The following ZNF385D variants were observed in gnomAD, a reference collection of about 807,000 sequenced individuals.
ZNF385D encodes zinc finger protein 385D, also known as zinc finger protein 659.
ZNF385D carries 15 observed loss-of-function variants against 35.8 expected under a neutral mutation model. The observed-to-expected ratio is 0.42, with a 90% CI of 0.28 to 0.64. The LOEUF (loss-of-function observed/expected upper bound fraction) is 0.64, where lower values mean the gene tolerates loss of function less well. Among genes scored for constraint, ZNF385D ranks in the 30% least tolerant of loss-of-function variants. The pLI is 0.23. For synonymous variants in ZNF385D, 212 were observed against 186.8 expected (o/e 1.13, Z -1.10); for missense variants, 474 against 494.6 (o/e 0.96, Z 0.39).
chr3:22,069,605 G>A (rs1700133890), intron 3 of ZNF385D, among the ~76,000 whole-genome samples: 1 of 152,114 alleles, frequency 6.6e-6, no homozygotes, highest in Non-Finnish European at 1.5e-5. Flanking sequence ...GTATCTAGTG[G>A]AATTTTTTGG....
intron 3 of ZNF385D, among the ~76,000 whole-genome samples, chr3:22,117,396 T>G (rs1273560902): frequency 6.6e-6 from 1 of 152,016 alleles, no homozygotes; most frequent in East Asian, 1.9e-4. Flanking sequence ...GTGAGCTAAC[T>G]AAATTATGGG....
At chr3:21,789,432 T>C (rs1241110658) in intron 3 of ZNF385D, among the ~76,000 whole-genome samples, 2 of 152,216 alleles carry the variant, frequency 1.3e-5, no homozygotes, top group Non-Finnish European at 2.9e-5. Flanking sequence ...GTTTTGTTGT[T>C]GTTGCTCTAA....
At chr3:21,623,023 ATAGT>A (rs2065047656) in intron 2 of ZNF385D, among the ~76,000 whole-genome samples, 1 of 152,228 alleles carries the variant, frequency 6.6e-6, no homozygotes, top group African/African-American at 2.4e-5. Context: ...AAGTATTTAA[ATAGT>A]TAGAGGCAGT....
At chr3:22,106,702 C>T (rs930750198) in intron 3 of ZNF385D, among the ~76,000 whole-genome samples, 2 of 152,282 alleles carry the variant, frequency 1.3e-5, no homozygotes, top group African/African-American at 4.8e-5. Context: ...GGTTGTAACC[C>T]TTGGAGTTGA....
At chr3:21,812,908 C>T (rs938262668) in intron 3 of ZNF385D, among the ~76,000 whole-genome samples, 4 of 152,202 alleles carry the variant, frequency 2.6e-5, no homozygotes, top group African/African-American at 4.8e-5. Context: ...AAGTGGGTCC[C>T]TGACCCCTGA....
chr3:22,229,861 G>A (rs766709106), intron 2 of ZNF385D, among the ~76,000 whole-genome samples: 2 of 152,046 alleles, frequency 1.3e-5, no homozygotes, highest in Non-Finnish European at 2.9e-5. Flanking sequence ...GTCACCATTG[G>A]TTTAGCCCCT....
chr3:21,786,166 C>T (rs955635934), intron 3 of ZNF385D, among the ~76,000 whole-genome samples: 3 of 152,160 alleles, frequency 2.0e-5, no homozygotes, highest in African/African-American at 4.8e-5. Flanking sequence ...GACTCAAACT[C>T]AGCTTTCTTT....
At chr3:21,974,404 A>G (rs963181384) in intron 3 of ZNF385D, among the ~76,000 whole-genome samples, 1 of 152,104 alleles carries the variant, frequency 6.6e-6, no homozygotes, top group East Asian at 1.9e-4. Context: ...CCCACCTCTC[A>G]CCAAATACAA....
intron 3 of ZNF385D, among the ~76,000 whole-genome samples, chr3:21,885,740 C>G (rs2646912): frequency 0.1 from 10,386 of 101,246 alleles, 490 homozygotes; most frequent in East Asian, 0.25. Flanking sequence ...GTGTCTGTGT[C>G]TGTGTGTGTG....
At chr3:22,134,836 C>G (rs1462434106) in intron 3 of ZNF385D, among the ~76,000 whole-genome samples, 2 of 152,090 alleles carry the variant, frequency 1.3e-5, no homozygotes, top group African/African-American at 4.8e-5. Flanking sequence ...CTAACTCATA[C>G]TTTTATAAGG....
intron 3 of ZNF385D, among the ~76,000 whole-genome samples, chr3:21,917,475 G>A (rs1385975470): frequency 6.6e-6 from 1 of 152,084 alleles, no homozygotes; most frequent in Non-Finnish European, 1.5e-5. Context: ...AGAGAATGGT[G>A]GTGCTTCTGA....
intron 2 of ZNF385D, among the ~76,000 whole-genome samples, chr3:21,628,252 T>C (rs2125828917): frequency 6.6e-6 from 1 of 152,232 alleles, no homozygotes; most frequent in East Asian, 1.9e-4. Context: ...GGCATTTCAT[T>C]GTCAGATGGG....
intron 5 of ZNF385D, among the ~76,000 whole-genome samples, chr3:21,432,736 A>G (rs1344766593): frequency 3.3e-5 from 5 of 151,942 alleles, no homozygotes; most frequent in Non-Finnish European, 7.4e-5. Flanking sequence ...AAAAATTCTT[A>G]GACTGTTGTA....
At chr3:21,476,333 G>A (rs1704245679) in intron 4 of ZNF385D, among the ~76,000 whole-genome samples, 1 of 151,996 alleles carries the variant, frequency 6.6e-6, no homozygotes, top group Admixed American at 6.6e-5. Context: ...TCATAAAGGG[G>A]ATAATTCTAA....
chr3:21,929,026 A>G (rs1221546404), intron 3 of ZNF385D, among the ~76,000 whole-genome samples: 1 of 152,192 alleles, frequency 6.6e-6, no homozygotes, highest in Non-Finnish European at 1.5e-5. Context: ...TATCAGTAGA[A>G]AAGAAAGCTA....
At chr3:22,131,867 G>C (rs953289683) in intron 3 of ZNF385D, among the ~76,000 whole-genome samples, 3 of 152,098 alleles carry the variant, frequency 2.0e-5, no homozygotes, top group African/African-American at 7.2e-5. Context: ...TATAAGTCAG[G>C]GAAACATAAT....
chr3:21,768,987 A>T (rs1334068505), intron 3 of ZNF385D, among the ~76,000 whole-genome samples: 2 of 152,054 alleles, frequency 1.3e-5, no homozygotes, highest in Non-Finnish European at 2.9e-5. Context: ...ACAAAAACAA[A>T]AACAAAAACC....
chr3:21,450,823 A>C (rs1168006850), intron 4 of ZNF385D, among the ~76,000 whole-genome samples: 1 of 152,192 alleles, frequency 6.6e-6, no homozygotes, highest in Admixed American at 6.6e-5. Context: ...CTTTTCTTTA[A>C]AACTTCAGAA....
chr3:22,304,016 A>G (rs986286877), intron 2 of ZNF385D, among the ~76,000 whole-genome samples: 1 of 152,088 alleles, frequency 6.6e-6, no homozygotes, highest in African/African-American at 2.4e-5. Context: ...GACCTCAGGT[A>G]AGCCGCCCAC....
Sources: gnomAD v4.1 joint callset for allele counts (sites outside exome capture counted in the v4.1 genomes callset) on GRCh38, gnomAD v4.1.1 for gene constraint, MANE v1.5 for transcripts, NCBI Gene and HGNC (gene_info 2026-07-23, HGNC 2026-07-21) for gene names.